IL18R1: variants seen among roughly 807,000 people sequenced by gnomAD.
The protein encoded by IL18R1 is interleukin-18 receptor 1.
In IL18R1, 40 loss-of-function variants were observed where a neutral mutation model predicts 48.5. The ratio of observed to expected loss-of-function variants is 0.82; its 90% CI spans 0.64 to 1.07. The LOEUF is 1.07. Ranked by LOEUF, IL18R1 falls within the 50% of genes least tolerant of loss-of-function variation. The pLI is 0.00. For synonymous variants in IL18R1, 232 were observed against 225.9 expected, an observed-to-expected ratio of 1.03 and a Z score of -0.24; for missense variants, 596 against 633.7, an observed-to-expected ratio of 0.94 and a Z score of 0.64.
At chr2:102,382,358 G>T (rs1351307697) in intron 6 of IL18R1, among the ~76,000 whole-genome samples, 1 of 152,132 alleles carries the variant, frequency 6.6e-6, no homozygotes, top group Non-Finnish European at 1.5e-5. Context: ...TTTGTGGTGT[G>T]AATGTTTGAT....
chr2:102,390,269 A>G (rs760947382), intron 9 of IL18R1, 52 bp downstream of exon 9: 9 of 1,477,240 alleles, frequency 6.1e-6, no homozygotes, highest in Non-Finnish European at 7.6e-6. Flanking sequence ...TTAAGAAATC[A>G]GATAAATAGG....
intron 2 of IL18R1, among the ~76,000 whole-genome samples, chr2:102,366,313 T>C (rs1199793512): frequency 6.6e-6 from 1 of 152,240 alleles, no homozygotes; most frequent in Non-Finnish European, 1.5e-5. Context: ...TTGCTAAACA[T>C]AACAAGATTC....
chr2:102,385,868 C>T (rs1468183225), intron 7 of IL18R1, among the ~76,000 whole-genome samples: 1 of 152,164 alleles, frequency 6.6e-6, no homozygotes, highest in Non-Finnish European at 1.5e-5. Flanking sequence ...TAATCTCTTT[C>T]TAATTTTTAG....
chr2:102,376,719 T>C (rs1404173570), intron 5 of IL18R1, among the ~76,000 whole-genome samples: 2 of 152,110 alleles, frequency 1.3e-5, no homozygotes, highest in Admixed American at 1.3e-4. Flanking sequence ...AGGCTGTGTG[T>C]GATGGAGGAA....
At chr2:102,367,571 A>G (rs1482904823) in intron 2 of IL18R1, among the ~76,000 whole-genome samples, 1 of 152,170 alleles carries the variant, frequency 6.6e-6, no homozygotes, top group Non-Finnish European at 1.5e-5. Flanking sequence ...TGGTTGGTTA[A>G]GTTCTGATAC....
At chr2:102,392,642 G>A (rs113914167) in intron 9 of IL18R1, among the ~76,000 whole-genome samples, 2 of 152,084 alleles carry the variant, frequency 1.3e-5, no homozygotes, top group African/African-American at 4.8e-5. Context: ...AAAGTGTTCA[G>A]TATTGGTTTC....
intron 2 of IL18R1, among the ~76,000 whole-genome samples, chr2:102,365,797 C>G (rs1029066882): frequency 6.6e-6 from 1 of 152,206 alleles, no homozygotes; most frequent in Non-Finnish European, 1.5e-5. Flanking sequence ...GCACCTGCAG[C>G]CTCAACACCA....
intron 4 of IL18R1, among the ~76,000 whole-genome samples, chr2:102,375,346 G>A (rs902671922): frequency 6.6e-6 from 1 of 152,188 alleles, no homozygotes; most frequent in African/African-American, 2.4e-5. Flanking sequence ...AGATGTTTGA[G>A]TGTACCTATG....
intron 1 of IL18R1, among the ~76,000 whole-genome samples, chr2:102,359,574 A>C (rs561370428): frequency 2.0e-5 from 3 of 152,376 alleles, no homozygotes; most frequent in Non-Finnish European, 4.4e-5. Context: ...TGCCTCATTT[A>C]TACCCAAAGA....
intron 5 of IL18R1, 125 bp from the exon 6 acceptor site, chr2:102,381,495 A>G (rs1415144777): frequency 1.4e-6 from 1 of 703,702 alleles, no homozygotes; most frequent in Non-Finnish European, 2.5e-6. Flanking sequence ...ATAGGACTCA[A>G]GTGAACGTAA....
In IL18R1 at chr2:102,362,496, T is replaced by C. The variant is rs962825446; in HGVS notation, c.-28-137T>C. Reference sequence around the variant, plus strand: ...ATGGCTGAAAGTTCTGAGAATTGGTTACTATATTAAGGATTATAAAAATCT... The same window carrying C: ...ATGGCTGAAAGTTCTGAGAATTGGTCACTATATTAAGGATTATAAAAATCT... On this transcript the variant is annotated intron_variant, in intron 1 of 10. Transcript: ENST00000233957. 3 of 437,850 alleles carry C rather than the reference T, an allele frequency of 6.9e-6. No homozygotes were observed. The East Asian group carries it at 1.0e-4, about 15-fold the overall frequency. 27.1% of individuals were successfully genotyped at this position (437,850 alleles called of 1,614,324 possible). A position where few individuals can be genotyped will look rare whatever the true frequency, so the allele number is the denominator to read the frequency against.
intron 5 of IL18R1, among the ~76,000 whole-genome samples, chr2:102,376,695 G>A (rs560403760): frequency 2.6e-5 from 4 of 152,156 alleles, no homozygotes; most frequent in Non-Finnish European, 5.9e-5. Context: ...TGGGAGGGGA[G>A]GGATGATGGA....
At chr2:102,384,403 A>ATT (rs778707170) in intron 6 of IL18R1, among the ~76,000 whole-genome samples, 1 of 152,214 alleles carries the variant, frequency 6.6e-6, no homozygotes, top group Non-Finnish European at 1.5e-5. Context: ...ACCAAAGCAA[A>ATT]TTCTTCCATG....
chr2:102,381,024 G>A (rs893218761), intron 5 of IL18R1, among the ~76,000 whole-genome samples: 1 of 152,174 alleles, frequency 6.6e-6, no homozygotes, highest in African/African-American at 2.4e-5. Context: ...GGACTGAGGG[G>A]GCAGAATTTA....
intron 8 of IL18R1, among the ~76,000 whole-genome samples, chr2:102,388,319 A>G (rs1337427656): frequency 1.3e-5 from 2 of 152,194 alleles, no homozygotes; most frequent in African/African-American, 4.8e-5. Context: ...ATCCAGTCTT[A>G]ACGACAAGCT....
intron 9 of IL18R1, 47 bp from the exon 10 acceptor site, chr2:102,394,417 TAAATA>T: frequency 1.4e-6 from 2 of 1,438,732 alleles, no homozygotes; most frequent in Non-Finnish European, 1.9e-6. Context: ...AGTTTGTACT[TAAATA>T]AAATTTTATT....
chr2:102,371,973 A>C lies in IL18R1; in HGVS notation c.323A>C (p.Lys108Thr). The change falls in exon 4 of 11, where the codon AAA (lysine) becomes ACA (threonine). Residue 108 changes from lysine to threonine, a missense_variant. Around this residue, in one of 3 missense-constraint regions of IL18R1, gnomAD observed 360 missense variants for 339.4 expected, o/e 1.06. Coordinates refer to ENST00000233957, the MANE Select transcript of IL18R1 (RefSeq NM_003855.5). The part of the protein sequence containing the change: ...FQMKNYTQKW[K>T]LNVIRRNKHS... Reference sequence around the variant, plus strand: ...CATAGAAATTATACTCAGAAATGGAAATTAAATGTCATCAGAAGAAATAAA... The same window carrying C: ...CATAGAAATTATACTCAGAAATGGACATTAAATGTCATCAGAAGAAATAAA... The C allele has an allele frequency of 6.4e-7, 1 of 1,553,286 alleles. No homozygotes were observed. Among genetic ancestry groups the C allele is most frequent in the Non-Finnish European group, 8.8e-7 (1 of 1,137,692 alleles).
chr2:102,368,859 G>A (rs1425152612), intron 3 of IL18R1, among the ~76,000 whole-genome samples: 1 of 152,130 alleles, frequency 6.6e-6, no homozygotes, highest in Non-Finnish European at 1.5e-5. Flanking sequence ...TTCATATGTA[G>A]CAGATTTCTT....
At chr2:102,363,517 G>C (rs1678708925) in intron 2 of IL18R1, among the ~76,000 whole-genome samples, 1 of 152,184 alleles carries the variant, frequency 6.6e-6, no homozygotes. Flanking sequence ...GAATGAGGTA[G>C]ATCTTCATTT....
Sources: allele counts gnomAD v4.1 joint callset (sites outside exome capture counted in the v4.1 genomes callset), GRCh38; gene constraint gnomAD v4.1.1; regional missense constraint gnomAD v4.1.1; transcripts MANE v1.5; gene names NCBI Gene and HGNC (gene_info 2026-07-23, HGNC 2026-07-21).